The following SLC5A12 variants were observed in gnomAD, a reference collection of about 807,000 sequenced individuals.
SLC5A12 encodes solute carrier family 5 member 12.
SLC5A12 carries 46 observed loss-of-function variants against 72.7 expected under a neutral mutation model. The ratio of observed to expected loss-of-function variants is 0.63; its 90% CI spans 0.50 to 0.81. SLC5A12 has a LOEUF of 0.81. SLC5A12 is among the 30% of genes least tolerant of loss of function. The probability of loss-of-function intolerance (pLI) is 0.00; values close to 1 mark genes in which losing one functional copy is unlikely to be tolerated. For missense variants in SLC5A12, 683 were observed against 740.7 expected (o/e 0.92, Z 0.90); for synonymous variants, 275 against 264.4 (o/e 1.04, Z -0.39).
In SLC5A12 at chr11:26,697,224, A is replaced by G. The variant is rs775801365; in HGVS notation, c.980T>C (p.Phe327Ser). The G allele has an allele frequency of 1.2e-6, 2 of 1,613,984 alleles. No homozygotes were observed. Among genetic ancestry groups the G allele is most frequent in the South Asian group, 2.2e-5 (2 of 91,068 alleles). Residue 327 changes from phenylalanine to serine, a missense_variant, in exon 8 of 15, where the codon TTT becomes TCT. Phe to Ser is a radical substitution (Grantham distance 155, BLOSUM62 -2). Coordinates refer to ENST00000396005, the MANE Select transcript of SLC5A12 (RefSeq NM_178498.4). ...QLMPYFVMEI[F>S]ATMPGLPGLF... ...TCCTGGCAGTCCTGGCATTGTGGCA[A>G]ATATCTCCATGACAAAGTACGGCAT...
chr11:26,680,408 T>TATATTCATATATATATGTATAC lies in SLC5A12; in HGVS notation c.1475+646_1475+647insGTATACATATATATATGAATAT, dbSNP rs1554990404. 3.7e-5 allele frequency among the ~76,000 whole-genome samples: 3 copies of TATATTCATATATATATGTATAC among 80,184 alleles called. No individual in the cohort carries two copies. The Admixed American group carries it at 4.3e-4, about 11-fold the overall frequency. 52.6% of individuals were successfully genotyped at this position (80,184 alleles called of 152,430 possible). A position where few individuals can be genotyped will look rare whatever the true frequency, so the allele number is the denominator to read the frequency against. On this transcript the variant is annotated intron_variant, in intron 12 of 14. Coordinates refer to ENST00000396005, the MANE Select transcript of SLC5A12 (RefSeq NM_178498.4). ...GTATATATATTCATATATATATATA[T>TATATTCATATATATATGTATAC]ATTTCCTCATTTTTCCATCAAGGGC...
At chr11:26,721,129 T>C (rs12807847) in intron 1 of SLC5A12, among the ~76,000 whole-genome samples, 113,968 of 152,118 alleles carry the variant, frequency 0.75, 48,269 homozygotes, top group Non-Finnish European at 0.94. Flanking sequence ...ATACATTAAG[T>C]GCTCACATAG....
At chr11:26,695,689 T>G (rs2133178412) in intron 8 of SLC5A12, among the ~76,000 whole-genome samples, 1 of 152,308 alleles carries the variant, frequency 6.6e-6, no homozygotes, top group South Asian at 2.1e-4. Flanking sequence ...AGCTCAAATC[T>G]TCCTGACACA....
At chr11:26,719,862 A>G (rs767545716) in intron 1 of SLC5A12, among the ~76,000 whole-genome samples, 2 of 152,190 alleles carry the variant, frequency 1.3e-5, no homozygotes, top group Admixed American at 6.5e-5. Context: ...ATAGTTATTT[A>G]GCATATGATA....
At chr11:26,697,392 G>A (rs890657363) in intron 7 of SLC5A12, 140 bp from the exon 8 acceptor site, 10 of 679,014 alleles carry the variant, frequency 1.5e-5, no homozygotes, top group African/African-American at 1.3e-4. Context: ...AGCAAAAGGA[G>A]GTAGGAAGTT....
rs907490164 is a variant in SLC5A12 at position 26,667,119 on chromosome 11, T to C, written c.*3983A>G. 4 of 151,902 alleles carry C rather than the reference T, an allele frequency of 2.6e-5. No homozygotes were observed. Among genetic ancestry groups the C allele is most frequent in the South Asian group, 2.1e-4 (1 of 4,824 alleles). 9.4% of individuals were successfully genotyped at this position (151,902 alleles called of 1,614,324 possible). A position where few individuals can be genotyped will look rare whatever the true frequency, so the allele number is the denominator to read the frequency against. On this transcript the variant is annotated 3_prime_UTR_variant, in exon 15 of 15. Transcript: ENST00000396005. ...CAATTAAATTTTAGTTATTTGAAAA[T>C]AGGTTATACTACAAGATTATAAATG...
chr11:26,698,444 C>G lies in SLC5A12; in HGVS notation c.913G>C (p.Asp305His). The change falls in exon 7 of 15, where the codon GAC becomes CAC. Residue 305 changes from aspartate (D) to histidine (H), a missense_variant. By Grantham distance (81) the Asp-to-His change is moderately conservative (BLOSUM62 -1). Coordinates refer to ENST00000396005, the MANE Select transcript of SLC5A12 (RefSeq NM_178498.4). Reference sequence around the variant, plus strand: ...GAGATGATGCCAGAAGTCCAAGGGTCACAGTCTTTAAAGTGAGAGTACATG... The same window carrying G: ...GAGATGATGCCAGAAGTCCAAGGGTGACAGTCTTTAAAGTGAGAGTACATG... ...LIMYSHFKDC[D>H]PWTSGIISAP... 6.2e-7 allele frequency: 1 copy of G among 1,613,986 alleles called. No homozygotes were observed. Among genetic ancestry groups the G allele is most frequent in the South Asian group, 1.1e-5 (1 of 91,068 alleles).
chr11:26,721,865 C>T lies in SLC5A12; in HGVS notation c.-151G>A. 1 of 695,516 alleles carries T rather than the reference C, an allele frequency of 1.4e-6. No homozygotes were observed. Among genetic ancestry groups the T allele is most frequent in the Non-Finnish European group, 2.5e-6 (1 of 403,740 alleles). 43.1% of individuals were successfully genotyped at this position (695,516 alleles called of 1,614,324 possible). On this transcript the variant is annotated 5_prime_UTR_variant, in exon 1 of 15. Coordinates refer to ENST00000396005, the MANE Select transcript of SLC5A12 (RefSeq NM_178498.4). ...GATTACCAGAGGCACTCGTGTGAATCTTCAGACACCAACGTGTACTTAGTG... is the reference window on the plus strand; with the variant it reads ...GATTACCAGAGGCACTCGTGTGAATTTTCAGACACCAACGTGTACTTAGTG...
chr11:26,673,463 C>G lies in SLC5A12; in HGVS notation c.1646G>C (p.Trp549Ser). Residue 549 changes from tryptophan to serine, a missense_variant, in exon 14 of 15, where the codon TGG (tryptophan) becomes TCG (serine). Coordinates refer to ENST00000396005, the MANE Select transcript of SLC5A12 (RefSeq NM_178498.4). ...GCATAGTGTTTTGTACTTCTTAGACCAAAAGCAAAATAAATTACAAACTGG... is the reference window on the plus strand; with the variant it reads ...GCATAGTGTTTTGTACTTCTTAGACGAAAAGCAAAATAAATTACAAACTGG... Reference protein sequence around the residue: ...IRPVCNLFCFWSKKYKTLCWC... With the variant: ...IRPVCNLFCFSSKKYKTLCWC... 6.2e-7 allele frequency: 1 copy of G among 1,611,674 alleles called. No individual in the cohort carries two copies.
At chr11:26,683,720 T>C (rs2133149987) in intron 11 of SLC5A12, 37 bp downstream of exon 11, 1 of 1,527,340 alleles carries the variant, frequency 6.5e-7, no homozygotes, top group East Asian at 2.4e-5. Flanking sequence ...GGCCCAGTTT[T>C]GACTGGGAAT....
chr11:26,711,681 T>C (rs762057826), intron 2 of SLC5A12, among the ~76,000 whole-genome samples: 1 of 152,132 alleles, frequency 6.6e-6, no homozygotes, highest in Non-Finnish European at 1.5e-5. Flanking sequence ...TCCATTTTCC[T>C]GATGCACGCG....
intron 12 of SLC5A12, among the ~76,000 whole-genome samples, chr11:26,679,953 T>C (rs928716327): frequency 6.6e-6 from 1 of 151,890 alleles, no homozygotes; most frequent in African/African-American, 2.4e-5. Context: ...AAATAAAAAA[T>C]ACAAATAAGA....
intron 4 of SLC5A12, 78 bp downstream of exon 4, chr11:26,709,234 G>C (rs1196755654): frequency 9.9e-7 from 1 of 1,014,920 alleles, no homozygotes; most frequent in Non-Finnish European, 1.5e-6. Context: ...GCTATAATTA[G>C]ATGCCTATTG....
intron 13 of SLC5A12, among the ~76,000 whole-genome samples, chr11:26,674,167 T>A (rs1031387852): frequency 2.7e-5 from 4 of 149,210 alleles, no homozygotes; most frequent in Non-Finnish European, 5.9e-5. Context: ...ATGATTTTGC[T>A]CCTCCCAGAA....
chr11:26,700,506 A>AAAATAAATAAATAAATAAATAAATAAAT (rs57501561), intron 6 of SLC5A12, among the ~76,000 whole-genome samples: 11 of 150,048 alleles, frequency 7.3e-5, no homozygotes, highest in African/African-American at 2.5e-4. Context: ...ATGAACACTG[A>AAAATAAATAAATAAATAAATAAATAAAT]AAATAAATAA....
intron 7 of SLC5A12, 149 bp from the exon 8 acceptor site, chr11:26,697,401 T>C (rs1590726067): frequency 3.1e-6 from 2 of 644,188 alleles, no homozygotes; most frequent in East Asian, 5.8e-5. Context: ...AGGTAGGAAG[T>C]TTATTTTCCT....
At chr11:26,701,217 C>A (rs1854950799) in intron 6 of SLC5A12, among the ~76,000 whole-genome samples, 2 of 152,178 alleles carry the variant, frequency 1.3e-5, no homozygotes, top group Non-Finnish European at 1.5e-5. Context: ...AACATCTGAA[C>A]TGATTTCTCT....
Position 26,683,690 on chromosome 11 carries a change from G to C in SLC5A12, c.1308+67C>G. On this transcript the variant is annotated intron_variant, in intron 11 of 14. Coordinates refer to ENST00000396005, the MANE Select transcript of SLC5A12 (RefSeq NM_178498.4). ...AGATAGCTTTTCTAAACAGGGCTGA[G>C]AGGAGAGAGAAAACGGCTGGGCCCA... The C allele has an allele frequency of 6.2e-6, 8 of 1,287,576 alleles. No individual in the cohort carries two copies. The South Asian group carries it at 8.9e-5, about 14-fold the overall frequency. 79.8% of individuals were successfully genotyped at this position (1,287,576 alleles called of 1,614,324 possible).
Position 26,709,293 on chromosome 11 carries a change from T to C in SLC5A12, c.525+19A>G, listed in dbSNP as rs1461946229. The C allele has an allele frequency of 1.9e-6, 3 of 1,592,020 alleles. No homozygotes were observed. Among genetic ancestry groups the C allele is most frequent in the Non-Finnish European group, 2.6e-6 (3 of 1,163,964 alleles). On this transcript the variant is annotated intron_variant, in intron 4 of 14. Transcript: ENST00000396005. ...ATTAGGAGGTAGTGTTAAATACTTC[T>C]TCACAGCTAGATACATACCAGGGTA...
Sources: allele counts gnomAD v4.1 joint callset (sites outside exome capture counted in the v4.1 genomes callset), GRCh38; gene constraint gnomAD v4.1.1; transcripts MANE v1.5; gene names NCBI Gene and HGNC (gene_info 2026-07-23, HGNC 2026-07-21).